Variants in TERT observed in about 807,000 individuals in gnomAD.
TERT encodes telomerase catalytic subunit.
In TERT, 42 loss-of-function variants were observed where a neutral mutation model predicts 104.0. The ratio of observed to expected loss-of-function variants is 0.40; its 90% CI spans 0.32 to 0.52. The LOEUF is 0.52. Among genes scored for constraint, TERT ranks in the 20% least tolerant of loss-of-function variants. The pLI is 0.43. For missense variants in TERT, 1,101 were observed against 1,610.3 expected (o/e 0.68, Z 5.41); for synonymous variants, 781 against 725.6 (o/e 1.08, Z -1.23).
chr5:1,278,166 C>T (rs111488763), intron 6 of TERT, among the ~76,000 whole-genome samples: 11 of 152,304 alleles, frequency 7.2e-5, no homozygotes, highest in Non-Finnish European at 1.5e-4. Flanking sequence ...GACAGGGGCA[C>T]CCATGCTAGA....
intron 6 of TERT, 128 bp downstream of exon 6, chr5:1,278,512 AT>A: frequency 7.5e-7 from 1 of 1,325,630 alleles, no homozygotes; most frequent in South Asian, 1.2e-5. Flanking sequence ...CCACACACGC[AT>A]ATCACAGATG....
rs2126692347 is a variant in TERT, at chr5:1,294,906, C to T, written c.84G>A (p.Val28=). 3 of 1,433,888 alleles carry T rather than the reference C, an allele frequency of 2.1e-6. No individual in the cohort carries two copies. The highest frequency in any genetic ancestry group is 2.7e-6 in the Non-Finnish European group (3 of 1,098,388). The allele number at this position is 1,433,888 out of a possible 1,614,324, so 88.8% of individuals were successfully genotyped here. A position where few individuals can be genotyped will look rare whatever the true frequency, so the allele number is the denominator to read the frequency against. The change falls in exon 1 of 16, where the codon GTG becomes GTA. Residue 28 remains valine, a synonymous_variant. Coordinates refer to ENST00000310581, the MANE Select transcript of TERT (RefSeq NM_198253.3). ...GCCAGCCCTGGGGCCCCAGGCGCCG[C>T]ACGAACGTGGCCAGCGGCAGCACCT... ...YREVLPLATF[V]RRLGPQGWRL...
rs988117973 is a variant in TERT, at chr5:1,255,129, G to T, written c.3157+158C>A. 1.3e-5 allele frequency among the ~76,000 whole-genome samples: 2 copies of T among 152,228 alleles called. No homozygotes were observed. The highest frequency in any genetic ancestry group is 1.3e-4 in the Admixed American group (2 of 15,286). On this transcript the variant is annotated intron_variant, in intron 14 of 15. Coordinates refer to ENST00000310581, the MANE Select transcript of TERT (RefSeq NM_198253.3). This position sits in a 1 kb window ranked among gnomAD's most constrained non-coding sequence, Gnocchi z 6.9. ...CCATCAGGTGCTCTGCTCACCCCAC[G>T]AGAGGGCGGGCAGACGAGCCTGACA...
At position 1,294,907 on chromosome 5, in the gene TERT, A is replaced by C. The variant is rs1561215157; in HGVS notation, c.83T>G (p.Val28Gly). The C allele has an allele frequency of 7.0e-7, 1 of 1,433,790 alleles. No individual in the cohort carries two copies. The allele number at this position is 1,433,790 out of a possible 1,614,324, so 88.8% of individuals were successfully genotyped here. Residue 28 changes from valine to glycine, a missense_variant, in exon 1 of 16, where the codon GTG (valine) becomes GGG (glycine). Transcript: ENST00000310581. ...CCAGCCCTGGGGCCCCAGGCGCCGC[A>C]CGAACGTGGCCAGCGGCAGCACCTC... ...YREVLPLATF[V>G]RRLGPQGWRL...
intron 12 of TERT, 136 bp from the exon 13 acceptor site, chr5:1,258,795 G>T: frequency 1.2e-6 from 1 of 851,210 alleles, no homozygotes; most frequent in Non-Finnish European, 1.9e-6. Flanking sequence ...TCTTCCCAGT[G>T]AAATCCGGCC....
At position 1,265,108 on chromosome 5, in the gene TERT, G is replaced by A. The variant is rs963043923; in HGVS notation, c.2655-516C>T. Among the ~76,000 whole-genome samples the A allele has an allele frequency of 1.3e-5, 2 of 152,224 alleles. No individual in the cohort carries two copies. The highest frequency in any genetic ancestry group is 4.8e-5 in the African/African-American group (2 of 41,450). ...CAGGCGCGGGACCTGGCTGGGCTGTGAGCTGGGCAACACCAGTCGTCAGCT... is the reference window on the plus strand; with the variant it reads ...CAGGCGCGGGACCTGGCTGGGCTGTAAGCTGGGCAACACCAGTCGTCAGCT... On this transcript the variant is annotated intron_variant, in intron 10 of 15. Transcript: ENST00000310581. The surrounding 1 kb of genome is among the most constrained non-coding windows in gnomAD (Gnocchi z 6.9).
In TERT at chr5:1,262,096, A is replaced by G. The variant is rs1258961402; in HGVS notation, c.2844-1496T>C. On this transcript the variant is annotated intron_variant, in intron 11 of 15. Coordinates refer to ENST00000310581, the MANE Select transcript of TERT (RefSeq NM_198253.3). This position sits in a 1 kb window ranked among gnomAD's most constrained non-coding sequence, Gnocchi z 5.6. ...TCCGCCTCCCTGTGTGTCCTTCCCC[A>G]ACACCAAACCAGGGAACGTTCACCT... Among the ~76,000 whole-genome samples, 4 of 152,136 alleles carry G rather than the reference A, an allele frequency of 2.6e-5. No individual in the cohort carries two copies. The highest frequency in any genetic ancestry group is 9.7e-5 in the African/African-American group (4 of 41,424).
In TERT at chr5:1,269,384, T is replaced by C. The variant is rs1748859329; in HGVS notation, c.2469-751A>G. Among the ~76,000 whole-genome samples, 1 of 151,884 alleles carries C rather than the reference T, an allele frequency of 6.6e-6. No homozygotes were observed. Among genetic ancestry groups the C allele is most frequent in the Non-Finnish European group, 1.5e-5 (1 of 67,958 alleles). ...CAGCACTTTGGGAGGCCGAGGTGGG[T>C]GGATCACCTGAGGTCAGGAGTTCGA... is the stretch of plus-strand genomic sequence containing the variant. On this transcript the variant is annotated intron_variant, in intron 8 of 15. Transcript: ENST00000310581. This position sits in a 1 kb window ranked among gnomAD's most constrained non-coding sequence, Gnocchi z 9.0.
Position 1,268,349 on chromosome 5 carries a change from A to G in TERT, c.2582+171T>C, listed in dbSNP as rs35243220. ...AGCCTGCGTGGAGCCCGCAGTCCTC[A>G]GGCTGTGCAACCCCTCCCGTGCGGC... is the stretch of plus-strand genomic sequence containing the variant. On this transcript the variant is annotated intron_variant, in intron 9 of 15. Transcript: ENST00000310581. The surrounding 1 kb of genome is among the most constrained non-coding windows in gnomAD (Gnocchi z 5.5). Among the ~76,000 whole-genome samples, 8,040 of 152,324 alleles carry G rather than the reference A, an allele frequency of 0.053. 722 individuals carry two copies. Among genetic ancestry groups the G allele is most frequent in the African/African-American group, 0.18 (7,627 of 41,564 alleles).
Position 1,288,868 on chromosome 5 carries a change from G to A in TERT, c.1573+4445C>T, listed in dbSNP as rs894650147. ...AAGCTGTGGCTGCAGTGCCTGGCACGCGGGAGGCGAGAGCCTGCAGTCCCG... is the reference window on the plus strand; with the variant it reads ...AAGCTGTGGCTGCAGTGCCTGGCACACGGGAGGCGAGAGCCTGCAGTCCCG... On this transcript the variant is annotated intron_variant, in intron 2 of 15. Coordinates refer to ENST00000310581, the MANE Select transcript of TERT (RefSeq NM_198253.3). This position sits in a 1 kb window ranked among gnomAD's most constrained non-coding sequence, Gnocchi z 5.3. Among the ~76,000 whole-genome samples, 4 of 152,184 alleles carry A rather than the reference G, an allele frequency of 2.6e-5. No homozygotes were observed. Among genetic ancestry groups the A allele is most frequent in the South Asian group, 2.1e-4 (1 of 4,830 alleles).
At chr5:1,260,851 G>A (rs563222935) in intron 11 of TERT, among the ~76,000 whole-genome samples, 6 of 152,310 alleles carry the variant, frequency 3.9e-5, no homozygotes, top group South Asian at 4.1e-4. Context: ...TCGCACGGCC[G>A]TGTTTGTGCA....
Position 1,253,555 on chromosome 5 carries a change from C to T in TERT, c.*173G>A, listed in dbSNP as rs1326683859. 11 of 647,906 alleles carry T rather than the reference C, an allele frequency of 1.7e-5. No individual in the cohort carries two copies. Among genetic ancestry groups the T allele is most frequent in the Non-Finnish European group, 3.0e-5 (11 of 361,692 alleles). The allele number at this position is 647,906 out of a possible 1,614,324, so 40.1% of individuals were successfully genotyped here. A position where few individuals can be genotyped will look rare whatever the true frequency, so the allele number is the denominator to read the frequency against. ...GCTGGACACTCGCTCAGGCCTCAGC[C>T]GGACACTCAGCCTTCAGCCGGACAT... On this transcript the variant is annotated 3_prime_UTR_variant, in exon 16 of 16. Transcript: ENST00000310581.
chr5:1,289,161 C>A (rs561047921), intron 2 of TERT, among the ~76,000 whole-genome samples: 1 of 150,518 alleles, frequency 6.6e-6, no homozygotes, highest in Admixed American at 6.6e-5. Context: ...GAGGGACACC[C>A]GGGGGCCGCA....
At position 1,295,000 on chromosome 5, in the gene TERT, G is replaced by T. The variant is rs958326505; in HGVS notation, c.-11C>A. On this transcript the variant is annotated 5_prime_UTR_variant, in exon 1 of 16. Coordinates refer to ENST00000310581, the MANE Select transcript of TERT (RefSeq NM_198253.3). Reference sequence around the variant, plus strand: ...GGGAGCGCGCGGCATCGCGGGGGTGGCCGGGGCCAGGGCTTCCCACGTGCG... The same window carrying T: ...GGGAGCGCGCGGCATCGCGGGGGTGTCCGGGGCCAGGGCTTCCCACGTGCG... 3.0e-6 allele frequency: 4 copies of T among 1,312,486 alleles called. No homozygotes were observed. The highest frequency in any genetic ancestry group is 3.1e-5 in the African/African-American group (2 of 64,904). 81.3% of individuals were successfully genotyped at this position (1,312,486 alleles called of 1,614,324 possible). A position where few individuals can be genotyped will look rare whatever the true frequency, so the allele number is the denominator to read the frequency against.
chr5:1,258,512 G>A (rs1381788237), intron 13 of TERT, 86 bp downstream of exon 13: 2 of 1,247,904 alleles, frequency 1.6e-6, no homozygotes, highest in Admixed American at 2.0e-5. Context: ...AAACCCAGGA[G>A]TTCCAAGGTG....
rs1748354838 is a variant in TERT, at chr5:1,263,202, G to A, written c.2843+1202C>T. On this transcript the variant is annotated intron_variant, in intron 11 of 15. Transcript: ENST00000310581. The surrounding 1 kb of genome is among the most constrained non-coding windows in gnomAD (Gnocchi z 5.3). ...GCATTCTGGAAAGAGGCAAAGTCCA[G>A]ATCTGGACTGTTAACTCAGAACGAC... 6.6e-6 allele frequency among the ~76,000 whole-genome samples: 1 copy of A among 152,214 alleles called. No individual in the cohort carries two copies. The highest frequency in any genetic ancestry group is 2.1e-4 in the South Asian group (1 of 4,832).
At chr5:1,283,546 G>A (rs1750220320) in intron 2 of TERT, among the ~76,000 whole-genome samples, 3 of 147,350 alleles carry the variant, frequency 2.0e-5, no homozygotes, top group African/African-American at 7.6e-5. Context: ...CCCCGGACCT[G>A]CACCATCCGG....
In TERT at chr5:1,271,176, C is replaced by T. The variant is rs1442845192; in HGVS notation, c.2411G>A (p.Gly804Asp). 2 of 1,613,170 alleles carry T rather than the reference C, an allele frequency of 1.2e-6. No individual in the cohort carries two copies. The highest frequency in any genetic ancestry group is 1.7e-6 in the Non-Finnish European group (2 of 1,179,978). The change falls in exon 8 of 16, where the codon GGC becomes GAC. Residue 804 changes from glycine (G) to aspartate (D), a missense_variant. Physicochemically the swap from Gly to Asp is moderately conservative, Grantham distance 94 (BLOSUM62 -1). Coordinates refer to ENST00000310581, the MANE Select transcript of TERT (RefSeq NM_198253.3). ...QSSSLNEASS[G>D]LFDVFLRFMC... ...GAAGCGTAGGAAGACGTCGAAGAGG[C>T]CACTGCTGGCCTCATTCAGGGAGGA...
intron 2 of TERT, among the ~76,000 whole-genome samples, chr5:1,291,475 ACGGCGCCTCACTCACCCTACACC>A (rs1750951643): frequency 2.4e-5 from 1 of 41,380 alleles, no homozygotes; most frequent in African/African-American, 1.3e-4. Context: ...ACACCCGGGG[ACGGCGCCTCACTCACCCTACACC>A]TGAGAGGGAC....
Sources: allele counts gnomAD v4.1 joint callset (sites outside exome capture counted in the v4.1 genomes callset), GRCh38; gene constraint gnomAD v4.1.1; non-coding constraint Gnocchi (gnomAD v3.1); transcripts MANE v1.5; gene names NCBI Gene and HGNC (gene_info 2026-07-23, HGNC 2026-07-21).